The following LRP1B variants were observed in gnomAD, a reference collection of about 807,000 sequenced individuals.
LRP1B encodes low-density lipoprotein receptor-related protein 1B.
A neutral mutation model predicts 556.6 loss-of-function variants in LRP1B; 217 were observed. The observed-to-expected ratio is 0.39, with a 90% CI of 0.35 to 0.44. The LOEUF (loss-of-function observed/expected upper bound fraction) is 0.44. Ranked by LOEUF, LRP1B falls within the 20% of genes least tolerant of loss-of-function variation. The pLI is 1.00. For missense variants in LRP1B, 5,053 were observed against 5,620.8 expected (o/e 0.90, Z 3.23); for synonymous variants, 2,047 against 1,865.8 (o/e 1.10, Z -2.50).
intron 3 of LRP1B, among the ~76,000 whole-genome samples, chr2:141,283,874 A>G (rs1258492964): frequency 1.3e-5 from 2 of 152,072 alleles, no homozygotes; most frequent in Non-Finnish European, 2.9e-5. Context: ...AGGGAATAAT[A>G]TAGGTATTTT....
At chr2:141,557,268 G>A (rs910356560) in intron 2 of LRP1B, among the ~76,000 whole-genome samples, 1 of 151,754 alleles carries the variant, frequency 6.6e-6, no homozygotes, top group African/African-American at 2.4e-5. Context: ...AACGAAGAGA[G>A]TGCACAGAAA....
At chr2:142,049,807 C>T (rs888826925) in intron 1 of LRP1B, among the ~76,000 whole-genome samples, 2 of 152,090 alleles carry the variant, frequency 1.3e-5, no homozygotes, top group African/African-American at 4.8e-5. Flanking sequence ...TATCTTCCAT[C>T]AGGTATAAGT....
intron 46 of LRP1B, among the ~76,000 whole-genome samples, chr2:140,536,311 T>TAAAAAAAAA (rs70988404): frequency 3.7e-4 from 23 of 61,892 alleles, no homozygotes; most frequent in East Asian, 3.6e-3. Context: ...CCCGTCTCTT[T>TAAAAAAAAA]AAAAAAAAAA....
chr2:140,321,571 C>T (rs981244363), intron 82 of LRP1B, among the ~76,000 whole-genome samples: 4 of 151,896 alleles, frequency 2.6e-5, no homozygotes, highest in African/African-American at 9.7e-5. Flanking sequence ...TAGTGTTTGG[C>T]ACACAAGAGG....
At chr2:141,670,690 C>A (rs550271478) in intron 2 of LRP1B, among the ~76,000 whole-genome samples, 1 of 152,212 alleles carries the variant, frequency 6.6e-6, no homozygotes, top group African/African-American at 2.4e-5. Context: ...AAATATTTTC[C>A]AATGGAAAGT....
At chr2:141,993,892 A>G (rs1223583315) in intron 1 of LRP1B, among the ~76,000 whole-genome samples, 2 of 136,570 alleles carry the variant, frequency 1.5e-5, no homozygotes, top group African/African-American at 2.8e-5. Context: ...TTGTATCCAC[A>G]CTGCTATACT....
At chr2:141,046,396 A>G (rs752294309) in intron 11 of LRP1B, among the ~76,000 whole-genome samples, 3 of 152,134 alleles carry the variant, frequency 2.0e-5, no homozygotes, top group Non-Finnish European at 4.4e-5. Flanking sequence ...CATTTGCCAA[A>G]TCTAAGTCTC....
intron 3 of LRP1B, among the ~76,000 whole-genome samples, chr2:141,317,251 A>G (rs1687068390): frequency 6.6e-6 from 1 of 152,200 alleles, no homozygotes; most frequent in Non-Finnish European, 1.5e-5. Flanking sequence ...AAAATACCAC[A>G]CACTGGGTAT....
chr2:140,976,906 T>G (rs976891754), intron 18 of LRP1B, among the ~76,000 whole-genome samples: 1 of 152,118 alleles, frequency 6.6e-6, no homozygotes, highest in Non-Finnish European at 1.5e-5. Context: ...TAAGGTACAT[T>G]TATTAAAACA....
At chr2:140,369,172 C>A (rs1473405711) in intron 71 of LRP1B, among the ~76,000 whole-genome samples, 2 of 151,806 alleles carry the variant, frequency 1.3e-5, no homozygotes, top group African/African-American at 2.4e-5. Context: ...TTTCTCATAA[C>A]TGATTACTAG....
intron 32 of LRP1B, among the ~76,000 whole-genome samples, chr2:140,804,000 CAA>C (rs1690620741): frequency 1.3e-5 from 2 of 150,754 alleles, no homozygotes; most frequent in Admixed American, 6.6e-5. Flanking sequence ...TTCTGAAAAG[CAA>C]AGATTCCTTT....
At chr2:141,843,761 T>G (rs1048132222) in intron 1 of LRP1B, among the ~76,000 whole-genome samples, 53 of 152,166 alleles carry the variant, frequency 3.5e-4, no homozygotes, top group Non-Finnish European at 5.6e-4. Context: ...GTGCTACAAA[T>G]TATTGCACAG....
In LRP1B at chr2:141,929,191, C is replaced by T. The variant is rs148986219; in HGVS notation, c.83-118790G>A. 1.6e-3 allele frequency among the ~76,000 whole-genome samples: 247 copies of T among 152,124 alleles called. 1 individual carries two copies. Among genetic ancestry groups the T allele is most frequent in the African/African-American group, 5.7e-3 (236 of 41,530 alleles). ...GACACTCACATATGAAAAATACTGT[C>T]AGGTTTAAGACTAAATTAGGAGACC... On this transcript the variant is annotated intron_variant, in intron 1 of 90. Coordinates refer to ENST00000389484, the MANE Select transcript of LRP1B (RefSeq NM_018557.3).
intron 3 of LRP1B, among the ~76,000 whole-genome samples, chr2:141,455,818 T>G (rs990126600): frequency 6.6e-6 from 1 of 152,198 alleles, no homozygotes; most frequent in African/African-American, 2.4e-5. Context: ...CATTTAAACT[T>G]GAAAATGTGA....
At chr2:140,506,266 A>ATGGAGTCTCACTCTGTCACCCAGGC (rs147300662) in intron 53 of LRP1B, among the ~76,000 whole-genome samples, 6,227 of 152,040 alleles carry the variant, frequency 0.041, 161 homozygotes, top group Non-Finnish European at 0.047. Flanking sequence ...TTATTTTGAG[A>ATGGAGTCTCACTCTGTCACCCAGGC]TGGAGTCTCA....
intron 60 of LRP1B, among the ~76,000 whole-genome samples, chr2:140,473,391 T>C (rs1301780657): frequency 6.6e-6 from 1 of 151,970 alleles, no homozygotes; most frequent in African/African-American, 2.4e-5. Flanking sequence ...AGACTATCTT[T>C]CAGCCAAATA....
chr2:142,064,163 T>C (rs1705017022), intron 1 of LRP1B, among the ~76,000 whole-genome samples: 1 of 151,572 alleles, frequency 6.6e-6, no homozygotes, highest in Non-Finnish European at 1.5e-5. Flanking sequence ...GAGAGCTCTT[T>C]GTAATATTTT....
chr2:141,038,207 A>G (rs1698593957), intron 11 of LRP1B, among the ~76,000 whole-genome samples: 1 of 152,088 alleles, frequency 6.6e-6, no homozygotes, highest in South Asian at 2.1e-4. Flanking sequence ...AGAGAATGCA[A>G]CAAATACGCC....
chr2:142,010,540 G>A (rs1401894668), intron 1 of LRP1B, among the ~76,000 whole-genome samples: 1 of 107,468 alleles, frequency 9.3e-6, no homozygotes, highest in Non-Finnish European at 1.7e-5. Context: ...GGGCGACAGA[G>A]CAAGATTCTG....
Sources: gnomAD v4.1 joint callset for allele counts (sites outside exome capture counted in the v4.1 genomes callset) on GRCh38, gnomAD v4.1.1 for gene constraint, MANE v1.5 for transcripts, NCBI Gene and HGNC (gene_info 2026-07-23, HGNC 2026-07-21) for gene names.